The following IMMP1L variants were observed in gnomAD, a reference collection of about 807,000 sequenced individuals.
The protein encoded by IMMP1L is inner mitochondrial membrane peptidase subunit 1, also known as mitochondrial inner membrane protease subunit 1.
IMMP1L carries 24 observed loss-of-function variants against 21.8 expected under a neutral mutation model. The observed-to-expected ratio is 1.10, with a 90% CI of 0.80 to 1.55. IMMP1L has a LOEUF of 1.55. Ranked by LOEUF, IMMP1L falls within the 40% of genes most tolerant of loss-of-function variation. The pLI is 0.00. For missense variants in IMMP1L, 195 were observed against 200.7 expected, an observed-to-expected ratio of 0.97 and a Z score of 0.17; for synonymous variants, 46 against 62.8, an observed-to-expected ratio of 0.73 and a Z score of 1.26.
chr11:31,484,776 G>A (rs1245961668), intron 1 of IMMP1L, among the ~76,000 whole-genome samples: 1 of 151,664 alleles, frequency 6.6e-6, no homozygotes, highest in African/African-American at 2.4e-5. Flanking sequence ...CTCTCTCCGG[G>A]CCTCTAAAAT....
At chr11:31,440,387 TA>T in intron 4 of IMMP1L, among the ~76,000 whole-genome samples, 1 of 152,022 alleles carries the variant, frequency 6.6e-6, no homozygotes, top group East Asian at 1.9e-4. Context: ...TTACATAATT[TA>T]AAAAAAACTT....
chr11:31,463,300 A>G lies in IMMP1L; in HGVS notation c.-24T>C, dbSNP rs771566124. 7 of 1,574,854 alleles carry G rather than the reference A, an allele frequency of 4.4e-6. No homozygotes were observed. Among genetic ancestry groups the G allele is most frequent in the Non-Finnish European group, 6.0e-6 (7 of 1,167,568 alleles). ...ATAGTTCTATGTAGACTCTGCCACC[A>G]TTGGCCTGATGGTAAATTTCAAAAA... On this transcript the variant is annotated 5_prime_UTR_variant, in exon 2 of 6. The change abolishes an upstream ATG in the 5' untranslated region. Coordinates refer to ENST00000532287, the MANE Select transcript of IMMP1L (RefSeq NM_001304274.2).
At chr11:31,480,925 T>G (rs1264062118) in intron 1 of IMMP1L, among the ~76,000 whole-genome samples, 1 of 152,060 alleles carries the variant, frequency 6.6e-6, no homozygotes, top group Non-Finnish European at 1.5e-5. Context: ...CAAAAGCATA[T>G]GCACAAAAGA....
intron 1 of IMMP1L, among the ~76,000 whole-genome samples, chr11:31,483,859 T>C (rs992973512): frequency 6.6e-6 from 1 of 151,944 alleles, no homozygotes; most frequent in Non-Finnish European, 1.5e-5. Flanking sequence ...TAAAGCTTCA[T>C]GATAATCTGA....
At position 31,456,240 on chromosome 11, in the gene IMMP1L, A is replaced by G. The variant is rs1481619360; in HGVS notation, c.321+20T>C. On this transcript the variant is annotated intron_variant, in intron 4 of 5. Transcript: ENST00000532287. ...AATCAATTATGACACCAAAAATAAC[A>G]TAATTGAAATGTTACTTACATAACT... 1.3e-6 allele frequency: 2 copies of G among 1,534,414 alleles called. No homozygotes were observed. Among genetic ancestry groups the G allele is most frequent in the Admixed American group, 1.8e-5 (1 of 56,360 alleles).
At chr11:31,453,923 G>C (rs1230024088) in intron 4 of IMMP1L, among the ~76,000 whole-genome samples, 2 of 152,198 alleles carry the variant, frequency 1.3e-5, no homozygotes. Flanking sequence ...GAGGGTTACA[G>C]ATTCTGAAGC....
At chr11:31,467,797 T>TTC (rs1954411446) in intron 1 of IMMP1L, among the ~76,000 whole-genome samples, 1 of 151,300 alleles carries the variant, frequency 6.6e-6, no homozygotes, top group African/African-American at 2.4e-5. Context: ...TTTTTTTTTT[T>TTC]ACAAAGGGAA....
chr11:31,447,290 G>A (rs907543144), intron 4 of IMMP1L, among the ~76,000 whole-genome samples: 1 of 152,150 alleles, frequency 6.6e-6, no homozygotes, highest in Non-Finnish European at 1.5e-5. Flanking sequence ...CAGTGGTCTG[G>A]CTGCTTCTGA....
chr11:31,480,591 G>A (rs1181206528), intron 1 of IMMP1L, among the ~76,000 whole-genome samples: 1 of 151,862 alleles, frequency 6.6e-6, no homozygotes, highest in Non-Finnish European at 1.5e-5. Context: ...ATATCTATCT[G>A]TAATACTGAG....
chr11:31,442,773 T>C (rs1953380901), intron 4 of IMMP1L, among the ~76,000 whole-genome samples: 1 of 152,190 alleles, frequency 6.6e-6, no homozygotes, highest in Non-Finnish European at 1.5e-5. Flanking sequence ...GATTATTTTT[T>C]CATTTTCCTG....
At chr11:31,496,178 C>A (rs749056304) in intron 1 of IMMP1L, among the ~76,000 whole-genome samples, 21 of 150,088 alleles carry the variant, frequency 1.4e-4, no homozygotes, top group Non-Finnish European at 2.4e-4. Context: ...CAAAAGACAT[C>A]TCTCCAGACA....
chr11:31,490,343 G>A (rs1289499016), intron 1 of IMMP1L, among the ~76,000 whole-genome samples: 3 of 151,820 alleles, frequency 2.0e-5, no homozygotes, highest in African/African-American at 2.4e-5. Context: ...ATCGTGGCGC[G>A]CGCCTGTAAT....
At chr11:31,500,217 C>T (rs940437768) in intron 1 of IMMP1L, among the ~76,000 whole-genome samples, 3 of 151,888 alleles carry the variant, frequency 2.0e-5, no homozygotes, top group Non-Finnish European at 2.9e-5. Flanking sequence ...AAAGAGAAAA[C>T]CCACTCCAGT....
At chr11:31,482,851 C>T (rs1954944512) in intron 1 of IMMP1L, among the ~76,000 whole-genome samples, 3 of 151,744 alleles carry the variant, frequency 2.0e-5, no homozygotes, top group African/African-American at 7.3e-5. Flanking sequence ...AGATATATCA[C>T]CAAAAGAAAT....
chr11:31,500,796 C>A lies in IMMP1L; in HGVS notation c.-30+8723G>T, dbSNP rs113998719. 5.7e-3 allele frequency among the ~76,000 whole-genome samples: 863 copies of A among 152,126 alleles called. 9 individuals carry two copies. Among genetic ancestry groups the A allele is most frequent in the African/African-American group, 0.02 (820 of 41,472 alleles). On this transcript the variant is annotated intron_variant, in intron 1 of 5. Transcript: ENST00000532287. ...TTTAGCCAATAAAGTTTTACTGGGA[C>A]AAAGTCATGCTCATTCATATACATG...
chr11:31,436,961 GC>G (rs1953145245), intron 4 of IMMP1L: 4 of 216,338 alleles, frequency 1.8e-5, no homozygotes, highest in African/African-American at 9.1e-5. Context: ...TAAAGGGATT[GC>G]CTACATCTCA....
At chr11:31,434,451 T>C (rs912688174) in intron 4 of IMMP1L, among the ~76,000 whole-genome samples, 1 of 152,174 alleles carries the variant, frequency 6.6e-6, no homozygotes, top group Non-Finnish European at 1.5e-5. Context: ...TTTACAGTTT[T>C]GTTATCTAAG....
intron 1 of IMMP1L, among the ~76,000 whole-genome samples, chr11:31,496,800 C>T (rs1280810904): frequency 6.8e-6 from 1 of 146,702 alleles, no homozygotes; most frequent in Non-Finnish European, 1.5e-5. Context: ...ATAGATAATC[C>T]TATATATAAC....
At chr11:31,465,869 G>C (rs1403988816) in intron 1 of IMMP1L, among the ~76,000 whole-genome samples, 1 of 151,974 alleles carries the variant, frequency 6.6e-6, no homozygotes, top group Admixed American at 6.6e-5. Context: ...ATTGGTCTAG[G>C]CAAAGATTTT....
Sources: gnomAD v4.1 joint callset for allele counts (sites outside exome capture counted in the v4.1 genomes callset) on GRCh38, gnomAD v4.1.1 for gene constraint, MANE v1.5 for transcripts, NCBI Gene and HGNC (gene_info 2026-07-23, HGNC 2026-07-21) for gene names.